SPTA1: variants seen among roughly 807,000 people sequenced by gnomAD.
The protein encoded by SPTA1 is spectrin alpha, erythrocytic 1.
In SPTA1, 177 loss-of-function variants were observed where a neutral mutation model predicts 324.7. The ratio of observed to expected loss-of-function variants is 0.55; its 90% CI spans 0.48 to 0.62. The LOEUF (loss-of-function observed/expected upper bound fraction) is 0.62, where lower values mean the gene tolerates loss of function less well. SPTA1 is among the 20% of genes least tolerant of loss of function. The probability of loss-of-function intolerance (pLI) is 0.00; values close to 1 mark genes in which losing one functional copy is unlikely to be tolerated. For missense variants in SPTA1, 3,162 were observed against 2,883.6 expected, an observed-to-expected ratio of 1.10 and a Z score of -2.21; for synonymous variants, 1,195 against 1,041.3, an observed-to-expected ratio of 1.15 and a Z score of -2.84.
chr1:158,645,220 T>G lies in SPTA1; in HGVS notation c.4162A>C (p.Lys1388Gln). 5 of 1,613,926 alleles carry G rather than the reference T, an allele frequency of 3.1e-6. No individual in the cohort carries two copies. Among genetic ancestry groups the G allele is most frequent in the Non-Finnish European group, 4.2e-6 (5 of 1,179,840 alleles). The change falls in exon 29 of 52, where the codon AAG becomes CAG. Residue 1388 changes from lysine (K) to glutamine (Q), a missense_variant. Lys to Gln is a moderately conservative substitution (Grantham distance 53, BLOSUM62 1). Coordinates refer to ENST00000643759, the MANE Select transcript of SPTA1 (RefSeq NM_003126.4). ...TCCAGGCACTGGTCTAGGATCTTCT[T>G]GCGTTTTTCCCAAGCCTTCTCCAAA... ...DDLEKAWEKR[K>Q]KILDQCLELQ...
chr1:158,619,431 C>T, intron 44 of SPTA1, 97 bp from the exon 45 acceptor site: 1 of 1,201,718 alleles, frequency 8.3e-7, no homozygotes, highest in South Asian at 1.2e-5. Flanking sequence ...TCTTTCCTCT[C>T]TCAAGTCTAA....
In SPTA1 at chr1:158,639,618, C is replaced by A. The variant is rs1225940700; in HGVS notation, c.4944G>T (p.Lys1648Asn). The A allele has an allele frequency of 1.2e-6, 2 of 1,613,928 alleles. No homozygotes were observed. The highest frequency in any genetic ancestry group is 3.3e-5 in the Admixed American group (2 of 59,976). ...DLASAGNLLK[K>N]HQLLEREMLA... ...ACATCTCTCTCTCCAATAGCTGATG[C>A]TTCTTGAGTAGGTTTCCTGCTGAAG... is the stretch of plus-strand genomic sequence containing the variant. The change falls in exon 35 of 52, where the codon AAG (lysine) becomes AAT (asparagine). Residue 1648 changes from lysine (K) to asparagine (N), a missense_variant. Transcript: ENST00000643759.
chr1:158,643,407 G>T lies in SPTA1; in HGVS notation c.4357C>A (p.Leu1453Ile). Residue 1453 changes from leucine to isoleucine, a missense_variant, in exon 31 of 52, where the codon CTA becomes ATA. Leu to Ile is a conservative substitution (Grantham distance 5). Transcript: ENST00000643759. ...ITAQEGKITD[L>I]EHFAESLIAD... ...ATGAGGCTCTCAGCAAAATGTTCTA[G>T]GTCAGTGATCTTCCCTTCCTAAATA... 1 of 1,613,622 alleles carries T rather than the reference G, an allele frequency of 6.2e-7. No homozygotes were observed. Among genetic ancestry groups the T allele is most frequent in the South Asian group, 1.1e-5 (1 of 91,070 alleles).
intron 3 of SPTA1, among the ~76,000 whole-genome samples, chr1:158,682,333 C>A (rs1026641586): frequency 2.0e-5 from 3 of 152,150 alleles, no homozygotes; most frequent in African/African-American, 4.8e-5. Context: ...TGTCGTTAAA[C>A]CCCGCAATGG....
In SPTA1 at chr1:158,654,665, T is replaced by G; in HGVS notation, c.2982A>C (p.Arg994=). Residue 994 remains arginine (R), a synonymous_variant, in exon 21 of 52, where the codon CGA becomes CGC. Transcript: ENST00000643759. ...CATCACCTTTCTTCATGGTGACTTC[T>G]CGGGGGCTGCGGGCCTGGAAGTCAT... ...ALYDFQARSP[R]EVTMKKGDVL... 1 of 1,614,028 alleles carries G rather than the reference T, an allele frequency of 6.2e-7. No individual in the cohort carries two copies. The highest frequency in any genetic ancestry group is 8.5e-7 in the Non-Finnish European group (1 of 1,180,000).
At chr1:158,636,124 C>A (rs1050395104) in intron 37 of SPTA1, 90 bp from the exon 38 acceptor site, 3 of 1,606,936 alleles carry the variant, frequency 1.9e-6, no homozygotes, top group Non-Finnish European at 2.6e-6. Flanking sequence ...GCCCATCCTA[C>A]CCTCCAGATT....
chr1:158,619,099 T>C (rs1004592113), intron 45 of SPTA1, 123 bp downstream of exon 45: 3 of 948,186 alleles, frequency 3.2e-6, no homozygotes, highest in Non-Finnish European at 5.2e-6. Context: ...AGGCAAGATA[T>C]GGGGATTTTA....
Position 158,657,054 on chromosome 1 carries a change from T to C in SPTA1, c.2806-398A>G, listed in dbSNP as rs1019073693. ...TGGGACAATGTGCAAAACAAATAAA[T>C]GGATAAAAAGTGTGATTATAACCTT... On this transcript the variant is annotated intron_variant, in intron 19 of 51. Coordinates refer to ENST00000643759, the MANE Select transcript of SPTA1 (RefSeq NM_003126.4). Among the ~76,000 whole-genome samples the C allele has an allele frequency of 2.6e-5, 4 of 152,152 alleles. No individual in the cohort carries two copies. In the South Asian group the frequency reaches 6.2e-4, roughly 24 times the overall value.
rs1651826954 is a variant in SPTA1 at position 158,644,233 on chromosome 1, C to G, written c.4338+20G>C. ...ATTACTACGGATTATTATTTTAATTCCTTTACTAGTCATTATTACCTGGGC... is the reference window on the plus strand; with the variant it reads ...ATTACTACGGATTATTATTTTAATTGCTTTACTAGTCATTATTACCTGGGC... On this transcript the variant is annotated intron_variant, in intron 30 of 51. Coordinates refer to ENST00000643759, the MANE Select transcript of SPTA1 (RefSeq NM_003126.4). 1.2e-6 allele frequency: 2 copies of G among 1,612,990 alleles called. No homozygotes were observed. Among genetic ancestry groups the G allele is most frequent in the Non-Finnish European group, 8.5e-7 (1 of 1,179,446 alleles).
At position 158,613,871 on chromosome 1, in the gene SPTA1, A is replaced by C. The variant is rs1234862468; in HGVS notation, c.6843-4T>G. 6.2e-7 allele frequency: 1 copy of C among 1,613,292 alleles called. No individual in the cohort carries two copies. Among genetic ancestry groups the C allele is most frequent in the East Asian group, 2.2e-5 (1 of 44,866 alleles). On this transcript the variant is annotated splice_polypyrimidine_tract_variant and splice_region_variant and intron_variant, in intron 49 of 51. Transcript: ENST00000643759. ...TGTCAAATTCTCATCAAAGTGTCTA[A>C]AGGATAAAAAAAGAAAAAAAAATTT...
rs190605099 is a variant in SPTA1, at chr1:158,620,137, G to A, written c.6417+33C>T. ...TAATAAAGTGGTTATGTTCACTGTAGTGAAAGGAAGTTTCTGCCGTGTTCC... is the reference window on the plus strand; with the variant it reads ...TAATAAAGTGGTTATGTTCACTGTAATGAAAGGAAGTTTCTGCCGTGTTCC... On this transcript the variant is annotated intron_variant, in intron 44 of 51. Transcript: ENST00000643759. 5.6e-6 allele frequency: 9 copies of A among 1,613,624 alleles called. No individual in the cohort carries two copies. In the African/African-American group the frequency reaches 1.2e-4, roughly 22 times the overall value.
rs374442926 is a variant in SPTA1 at position 158,667,994 on chromosome 1, C to T, written c.1902G>A (p.Lys634=). 7.8e-5 allele frequency: 125 copies of T among 1,612,274 alleles called. No homozygotes were observed. The highest frequency in any genetic ancestry group is 1.0e-4 in the Non-Finnish European group (118 of 1,179,792). The change falls in exon 15 of 52, where the codon AAG becomes AAA. Residue 634 remains lysine (K), a synonymous_variant. Coordinates refer to ENST00000643759, the MANE Select transcript of SPTA1 (RefSeq NM_003126.4). ...QVFEKELAVN[K]TQLENIQKTG... ...TTTTCTGTATGTTTTCCAGCTGGGT[C>T]TTATTAACTGCCAACTCCTTTTCAA...
intron 39 of SPTA1, among the ~76,000 whole-genome samples, chr1:158,630,462 C>T (rs1015168057): frequency 1.8e-4 from 27 of 151,880 alleles, no homozygotes; most frequent in Admixed American, 3.3e-4. Context: ...TGAAATAAGA[C>T]CCTTATGCCA....
Position 158,635,793 on chromosome 1 carries a change from G to A in SPTA1, c.5432+120C>T, listed in dbSNP as rs181384856. 37 of 1,447,164 alleles carry A rather than the reference G, an allele frequency of 2.6e-5. No homozygotes were observed. The East Asian group carries it at 7.8e-4, about 30-fold the overall frequency. The allele number at this position is 1,447,164 out of a possible 1,614,324, so 89.6% of individuals were successfully genotyped here. A position where few individuals can be genotyped will look rare whatever the true frequency, so the allele number is the denominator to read the frequency against. Reference sequence around the variant, plus strand: ...ACTTGTCATTTGAGAAGGGACTTAAGGAGATAGATAGGTAGTTGGGGATAG... The same window carrying A: ...ACTTGTCATTTGAGAAGGGACTTAAAGAGATAGATAGGTAGTTGGGGATAG... On this transcript the variant is annotated intron_variant, in intron 38 of 51. Coordinates refer to ENST00000643759, the MANE Select transcript of SPTA1 (RefSeq NM_003126.4).
Position 158,638,022 on chromosome 1 carries a change from G to A in SPTA1, c.5189+11C>T. Reference sequence around the variant, plus strand: ...GTATTATCCACACATTTTTGAGCTGGTGGCACATACTCTATCCAGGATTCC... The same window carrying A: ...GTATTATCCACACATTTTTGAGCTGATGGCACATACTCTATCCAGGATTCC... On this transcript the variant is annotated intron_variant, in intron 36 of 51. Coordinates refer to ENST00000643759, the MANE Select transcript of SPTA1 (RefSeq NM_003126.4). The A allele has an allele frequency of 6.2e-7, 1 of 1,613,114 alleles. No individual in the cohort carries two copies. Among genetic ancestry groups the A allele is most frequent in the Non-Finnish European group, 8.5e-7 (1 of 1,179,586 alleles).
chr1:158,611,142 C>CAT lies in SPTA1; in HGVS notation c.*121_*122insAT. On this transcript the variant is annotated 3_prime_UTR_variant, in exon 52 of 52. Coordinates refer to ENST00000643759, the MANE Select transcript of SPTA1 (RefSeq NM_003126.4). ...GCACACAAACACAAGCACACACACA[C>CAT]ACACACACACACACACACACACACG... 2 of 1,142,768 alleles carry CAT rather than the reference C, an allele frequency of 1.8e-6. No individual in the cohort carries two copies. Among genetic ancestry groups the CAT allele is most frequent in the Non-Finnish European group, 2.6e-6 (2 of 770,678 alleles). The allele number at this position is 1,142,768 out of a possible 1,614,324, so 70.8% of individuals were successfully genotyped here.
chr1:158,615,476 A>G, intron 47 of SPTA1, 73 bp from the exon 48 acceptor site: 2 of 1,450,874 alleles, frequency 1.4e-6, no homozygotes, highest in Non-Finnish European at 1.9e-6. Context: ...GTGGAAGAGG[A>G]GATAACAGGC....
chr1:158,672,089 C>T lies in SPTA1; in HGVS notation c.1458G>A (p.Glu486=). ...LDFHLFYRDS[E]QVDSWMSRQE... is the part of the protein sequence containing the mutation. Reference sequence around the variant, plus strand: ...GTCTACTCATCCAACTGTCCACTTGCTCACTGTCTCTGTAGAAGAGATGAA... The same window carrying T: ...GTCTACTCATCCAACTGTCCACTTGTTCACTGTCTCTGTAGAAGAGATGAA... Residue 486 remains glutamate (E), a synonymous_variant, in exon 11 of 52, where the codon GAG becomes GAA. Coordinates refer to ENST00000643759, the MANE Select transcript of SPTA1 (RefSeq NM_003126.4). The T allele has an allele frequency of 6.2e-7, 1 of 1,614,064 alleles. No individual in the cohort carries two copies. The highest frequency in any genetic ancestry group is 8.5e-7 in the Non-Finnish European group (1 of 1,179,966).
rs541194073 is a variant in SPTA1, at chr1:158,678,377, A to G, written c.812+24T>C. 3.2e-5 allele frequency: 51 copies of G among 1,613,390 alleles called. No individual in the cohort carries two copies. In the Admixed American group the frequency reaches 3.5e-4, roughly 11 times the overall value. On this transcript the variant is annotated intron_variant, in intron 6 of 51. Coordinates refer to ENST00000643759, the MANE Select transcript of SPTA1 (RefSeq NM_003126.4). ...TTTATAAAGCACTTCAAAGTTTTCT[A>G]TAAAGCAGTGGCCAGATCCATACCT...
Sources: gnomAD v4.1 joint callset for allele counts (sites outside exome capture counted in the v4.1 genomes callset) on GRCh38, gnomAD v4.1.1 for gene constraint, MANE v1.5 for transcripts, NCBI Gene and HGNC (gene_info 2026-07-23, HGNC 2026-07-21) for gene names.